Variants in TARBP2 observed in about 807,000 individuals in gnomAD.
TARBP2 encodes the protein RISC-loading complex subunit TARBP2.
A neutral mutation model predicts 40.4 loss-of-function variants in TARBP2; 23 were observed. The ratio of observed to expected loss-of-function variants is 0.57; its 90% CI spans 0.41 to 0.81. TARBP2 has a LOEUF of 0.81. Ranked by LOEUF, TARBP2 falls within the 30% of genes least tolerant of loss-of-function variation. The pLI, the probability that TARBP2 is intolerant of heterozygous loss-of-function variation, is 0.00. For synonymous variants in TARBP2, 183 were observed against 190.5 expected, an observed-to-expected ratio of 0.96 and a Z score of 0.32; for missense variants, 358 against 473.7, an observed-to-expected ratio of 0.76 and a Z score of 2.27.
chr12:53,504,281 C>T lies in TARBP2; in HGVS notation c.423-116C>T, dbSNP rs577128764. 76 of 978,660 alleles carry T rather than the reference C, an allele frequency of 7.8e-5. No homozygotes were observed. The African/African-American group carries it at 1.1e-3, about 14-fold the overall frequency. The allele number at this position is 978,660 out of a possible 1,614,324, so 60.6% of individuals were successfully genotyped here. On this transcript the variant is annotated intron_variant, in intron 4 of 8. Transcript: ENST00000266987. ...ATGTGTGGACAGACAGCTCCCCACC[C>T]GGTGGAATCGGGAGATGGTAGTCAG...
At position 53,505,500 on chromosome 12, in the gene TARBP2, A is replaced by G. The variant is rs765880763; in HGVS notation, c.742-149A>G. 5.7e-6 allele frequency: 6 copies of G among 1,044,054 alleles called. No individual in the cohort carries two copies. The highest frequency in any genetic ancestry group is 8.5e-6 in the Non-Finnish European group (6 of 705,394). 64.7% of individuals were successfully genotyped at this position (1,044,054 alleles called of 1,614,324 possible). A position where few individuals can be genotyped will look rare whatever the true frequency, so the allele number is the denominator to read the frequency against. On this transcript the variant is annotated intron_variant, in intron 7 of 8. Coordinates refer to ENST00000266987, the MANE Select transcript of TARBP2 (RefSeq NM_134323.2). The surrounding 1 kb of genome is among the most constrained non-coding windows in gnomAD (Gnocchi z 4.5). ...CTGGCCATCTGGCCCAGGGCCTGGT[A>G]GTTAGAAGGGGCCACCCAGGGATTG...
At chr12:53,501,945 G>C (rs1474016087) in intron 1 of TARBP2, 70 bp from the exon 2 acceptor site, 8 of 1,589,794 alleles carry the variant, frequency 5.0e-6, no homozygotes, top group Non-Finnish European at 6.9e-6. Context: ...CCTAGGTCTG[G>C]TATGGAAGTG....
In TARBP2 at chr12:53,504,824, G is replaced by A; in HGVS notation, c.613+9G>A. On this transcript the variant is annotated intron_variant, in intron 6 of 8. Transcript: ENST00000266987. ...GCGTTTCATTGAGATTGGTAACTGG[G>A]CAAGAAGGGGTTCTCACAACTCCTC... is the stretch of plus-strand genomic sequence containing the variant. 1 of 1,613,474 alleles carries A rather than the reference G, an allele frequency of 6.2e-7. No homozygotes were observed. The highest frequency in any genetic ancestry group is 1.1e-5 in the South Asian group (1 of 91,074).
At chr12:53,504,104 C>T in intron 4 of TARBP2, 1 of 569,756 alleles carries the variant, frequency 1.8e-6, no homozygotes, top group Non-Finnish European at 3.1e-6. Flanking sequence ...GCCCATCAGG[C>T]ACTTCTGGGA....
Position 53,505,863 on chromosome 12 carries a change from G to A in TARBP2, c.943+13G>A. On this transcript the variant is annotated intron_variant, in intron 8 of 8. Coordinates refer to ENST00000266987, the MANE Select transcript of TARBP2 (RefSeq NM_134323.2). The surrounding 1 kb of genome is among the most constrained non-coding windows in gnomAD (Gnocchi z 4.5). Reference sequence around the variant, plus strand: ...TACCTGGATATTGGTATGGCTAGCTGGGGAGCGAGCCAGGGGATGGTGGGG... The same window carrying A: ...TACCTGGATATTGGTATGGCTAGCTAGGGAGCGAGCCAGGGGATGGTGGGG... The A allele has an allele frequency of 6.2e-7, 1 of 1,612,132 alleles. No homozygotes were observed. The highest frequency in any genetic ancestry group is 8.5e-7 in the Non-Finnish European group (1 of 1,178,474).
intron 2 of TARBP2, 63 bp from the exon 3 acceptor site, chr12:53,502,964 G>A (rs1261724551): frequency 2.0e-6 from 3 of 1,484,596 alleles, no homozygotes; most frequent in Admixed American, 2.1e-5. Flanking sequence ...AGAGGCTGTG[G>A]GATGCTGGTT....
rs1943911389 is a variant in TARBP2, at chr12:53,505,116, G to T, written c.614-19G>T. The T allele has an allele frequency of 6.3e-7, 1 of 1,590,692 alleles. No homozygotes were observed. The highest frequency in any genetic ancestry group is 8.6e-7 in the Non-Finnish European group (1 of 1,163,086). The stretch of plus-strand genomic sequence containing the variant: ...GTCTGTGGGGAATCATAACCCAGCA[G>T]CCCTCTCTCCACATGCAGGGAGTGG... On this transcript the variant is annotated intron_variant, in intron 6 of 8. Transcript: ENST00000266987. This position sits in a 1 kb window ranked among gnomAD's most constrained non-coding sequence, Gnocchi z 4.5.
intron 1 of TARBP2, 120 bp downstream of exon 1, chr12:53,501,581 T>C: frequency 4.0e-6 from 6 of 1,497,568 alleles, no homozygotes; most frequent in Non-Finnish European, 5.4e-6. Context: ...ACTGGGGCAG[T>C]GGGCAGTGGT....
In TARBP2 at chr12:53,506,097, G is replaced by C. The variant is rs781716209; in HGVS notation, c.1050G>C (p.Glu350Asp). 5.0e-6 allele frequency: 8 copies of C among 1,613,784 alleles called. No individual in the cohort carries two copies. The highest frequency in any genetic ancestry group is 6.8e-6 in the Non-Finnish European group (8 of 1,180,008). ...CCACCAGGGAGGCAGCCCGTGGTGA[G>C]GCTGCCCGCCGTGCCCTGCAGTACC... ...SATTREAARG[E>D]AARRALQYLK... The change falls in exon 9 of 9, where the codon GAG (glutamate) becomes GAC (aspartate). Residue 350 changes from glutamate to aspartate, a missense_variant. Glu to Asp is a conservative substitution (Grantham distance 45, BLOSUM62 2). Coordinates refer to ENST00000266987, the MANE Select transcript of TARBP2 (RefSeq NM_134323.2).
intron 2 of TARBP2, 175 bp downstream of exon 2, chr12:53,502,359 G>A: frequency 1.2e-6 from 1 of 824,840 alleles, no homozygotes; most frequent in Non-Finnish European, 1.8e-6. Context: ...AAGGTGGGTA[G>A]GACGTGGGAG....
chr12:53,503,923 T>A, intron 4 of TARBP2, 115 bp downstream of exon 4: 5 of 773,354 alleles, frequency 6.5e-6, no homozygotes, highest in Non-Finnish European at 1.1e-5. Context: ...ATAAACAGAA[T>A]GGAATAGTTG....
chr12:53,506,158 T>G lies in TARBP2; in HGVS notation c.*10T>G, dbSNP rs1380699334. The G allele has an allele frequency of 3.1e-6, 5 of 1,612,372 alleles. No individual in the cohort carries two copies. In the Admixed American group the frequency reaches 5.0e-5, roughly 16 times the overall value. ...GGCAGGCAGCAAGTGAAGCCCCAGCTGGACTCATGGATGTGCACCCTTTGC... is the reference window on the plus strand; with the variant it reads ...GGCAGGCAGCAAGTGAAGCCCCAGCGGGACTCATGGATGTGCACCCTTTGC... On this transcript the variant is annotated 3_prime_UTR_variant, in exon 9 of 9. Coordinates refer to ENST00000266987, the MANE Select transcript of TARBP2 (RefSeq NM_134323.2).
Position 53,502,186 on chromosome 12 carries a change from T to C in TARBP2, c.223+2T>C. ...CCGTTGGCGACACCAGCTGCACTGGTGAGGAAGGCTTGGGCAGCCTGGCTG... is the reference window on the plus strand; with the variant it reads ...CCGTTGGCGACACCAGCTGCACTGGCGAGGAAGGCTTGGGCAGCCTGGCTG... On this transcript the variant is annotated splice_donor_variant, in intron 2 of 8. Coordinates refer to ENST00000266987, the MANE Select transcript of TARBP2 (RefSeq NM_134323.2). LOFTEE classifies it high-confidence loss of function. 6.2e-7 allele frequency: 1 copy of C among 1,614,068 alleles called. No individual in the cohort carries two copies. The highest frequency in any genetic ancestry group is 8.5e-7 in the Non-Finnish European group (1 of 1,179,994).
rs1469377203 is a variant in TARBP2, at chr12:53,501,360, G to A, written c.-49G>A. On this transcript the variant is annotated 5_prime_UTR_variant, in exon 1 of 9. Coordinates refer to ENST00000266987, the MANE Select transcript of TARBP2 (RefSeq NM_134323.2). ...CCTAGCTCGTCGGCTGTGTATTGGG[G>A]CGCGTGGAGGCTGCAGTCACGGTGG... 6.4e-7 allele frequency: 1 copy of A among 1,550,474 alleles called. No homozygotes were observed. Among genetic ancestry groups the A allele is most frequent in the Admixed American group, 2.0e-5 (1 of 51,066 alleles).
intron 2 of TARBP2, chr12:53,502,447 C>G (rs1943758156): frequency 2.1e-6 from 1 of 485,304 alleles, no homozygotes. Context: ...GAGAAGATAA[C>G]TGAAATCCCA....
rs1943937651 is a variant in TARBP2, at chr12:53,505,564, T to G, written c.742-85T>G. ...AAGCTGGAGGAAGCATTCTTTGTGC[T>G]TTGTTCTCCTTTGACGTTGAATGTC... On this transcript the variant is annotated intron_variant, in intron 7 of 8. Transcript: ENST00000266987. This position sits in a 1 kb window ranked among gnomAD's most constrained non-coding sequence, Gnocchi z 4.5. The G allele has an allele frequency of 7.2e-7, 1 of 1,382,838 alleles. No individual in the cohort carries two copies. Among genetic ancestry groups the G allele is most frequent in the African/African-American group, 1.4e-5 (1 of 70,114 alleles). 85.7% of individuals were successfully genotyped at this position (1,382,838 alleles called of 1,614,324 possible). A position where few individuals can be genotyped will look rare whatever the true frequency, so the allele number is the denominator to read the frequency against.
chr12:53,506,286 G>A lies in TARBP2; in HGVS notation c.*138G>A. On this transcript the variant is annotated 3_prime_UTR_variant, in exon 9 of 9. Coordinates refer to ENST00000266987, the MANE Select transcript of TARBP2 (RefSeq NM_134323.2). ...CACAGACTGCCTGCCTTGAAGCTGA[G>A]AAGGCACAGGGCAAGGAGCCAAGGA... The A allele has an allele frequency of 8.6e-7, 1 of 1,160,638 alleles. No individual in the cohort carries two copies. The highest frequency in any genetic ancestry group is 1.2e-6 in the Non-Finnish European group (1 of 840,468). The allele number at this position is 1,160,638 out of a possible 1,614,324, so 71.9% of individuals were successfully genotyped here. A position where few individuals can be genotyped will look rare whatever the true frequency, so the allele number is the denominator to read the frequency against.
At chr12:53,502,824 A>G (rs1219476085) in intron 2 of TARBP2, 2 of 472,694 alleles carry the variant, frequency 4.2e-6, no homozygotes, top group Admixed American at 4.1e-5. Context: ...CCTGCTTGGC[A>G]TGGCTTAATT....
Position 53,504,418 on chromosome 12 carries a change from G to A in TARBP2, c.444G>A (p.Gln148=). The A allele has an allele frequency of 6.2e-7, 1 of 1,606,016 alleles. No individual in the cohort carries two copies. Among genetic ancestry groups the A allele is most frequent in the Middle Eastern group, 1.7e-4 (1 of 5,808 alleles). Residue 148 remains glutamine, a synonymous_variant, in exon 5 of 9, where the codon CAG becomes CAA. Transcript: ENST00000266987. ...VLTRSPPMEL[Q]PPVSPQQSEC... Reference sequence around the variant, plus strand: ...TCAGGAGCCCCCCCATGGAACTGCAGCCCCCTGTCTCCCCTCAGCAGTCTG... The same window carrying A: ...TCAGGAGCCCCCCCATGGAACTGCAACCCCCTGTCTCCCCTCAGCAGTCTG...
Sources: gnomAD v4.1 joint callset for allele counts on GRCh38, gnomAD v4.1.1 for gene constraint, Gnocchi (gnomAD v3.1) non-coding constraint, MANE v1.5 for transcripts, NCBI Gene and HGNC (gene_info 2026-07-23, HGNC 2026-07-21) for gene names.